The following SNRNP70 variants were observed in gnomAD, a reference collection of about 807,000 sequenced individuals.
SNRNP70 encodes the protein U1 small nuclear ribonucleoprotein 70 kDa.
SNRNP70 carries 8 observed loss-of-function variants against 50.5 expected under a neutral mutation model. The ratio of observed to expected loss-of-function variants is 0.16; its 90% CI spans 0.09 to 0.29. The LOEUF is 0.29. Among genes scored for constraint, SNRNP70 ranks in the 10% least tolerant of loss-of-function variants. The pLI, the probability that SNRNP70 is intolerant of heterozygous loss-of-function variation, is 1.00. For missense variants in SNRNP70, 529 were observed against 663.5 expected, an observed-to-expected ratio of 0.80 and a Z score of 2.23; for synonymous variants, 320 against 252.9, an observed-to-expected ratio of 1.27 and a Z score of -2.52.
intron 2 of SNRNP70, 32 bp downstream of exon 2, chr19:49,086,593 G>A (rs772609064): frequency 6.2e-7 from 1 of 1,605,438 alleles, no homozygotes; most frequent in African/African-American, 1.3e-5. Flanking sequence ...GGAATGGTTT[G>A]GGTTCTGGGG....
At position 49,107,011 on chromosome 19, in the gene SNRNP70, C is replaced by T. The variant is rs778986393; in HGVS notation, c.578-614C>T. 5.9e-5 allele frequency among the ~76,000 whole-genome samples: 9 copies of T among 152,194 alleles called. No homozygotes were observed. Among genetic ancestry groups the T allele is most frequent in the Non-Finnish European group, 1.3e-4 (9 of 68,004 alleles). On this transcript the variant is annotated intron_variant, in intron 8 of 9. Transcript: ENST00000598441. The surrounding 1 kb of genome is among the most constrained non-coding windows in gnomAD (Gnocchi z 6.0). ...CATAGGACTGTGAGGAGAGACTTCC[C>T]GAGAAAGGATGTTCGGGCTAGCGTT...
intron 6 of SNRNP70, among the ~76,000 whole-genome samples, chr19:49,101,023 C>T (rs2040577840): frequency 1.3e-5 from 2 of 152,098 alleles, no homozygotes; most frequent in Non-Finnish European, 2.9e-5. Context: ...GGCTTCATCT[C>T]CTGGGACTCT....
rs769250609 is a variant in SNRNP70 at position 49,107,174 on chromosome 19, C to T, written c.578-451C>T. The stretch of plus-strand genomic sequence containing the variant: ...ACGCAGCCAAGAGCCGCGGCTCAGA[C>T]GCTAGCAGGGCCCGCTCTTGCTGCC... On this transcript the variant is annotated intron_variant, in intron 8 of 9. Transcript: ENST00000598441. This position sits in a 1 kb window ranked among gnomAD's most constrained non-coding sequence, Gnocchi z 6.0. Among the ~76,000 whole-genome samples the T allele has an allele frequency of 1.3e-5, 2 of 152,210 alleles. No homozygotes were observed. Among genetic ancestry groups the T allele is most frequent in the African/African-American group, 2.4e-5 (1 of 41,456 alleles).
chr19:49,099,250 C>G (rs1340369627), intron 6 of SNRNP70, among the ~76,000 whole-genome samples: 1 of 152,156 alleles, frequency 6.6e-6, no homozygotes, highest in Non-Finnish European at 1.5e-5. Context: ...TTAGCCATGT[C>G]TCTTCTCCCT....
chr19:49,095,170 C>T (rs546115598), intron 4 of SNRNP70, among the ~76,000 whole-genome samples: 1 of 152,238 alleles, frequency 6.6e-6, no homozygotes, highest in Non-Finnish European at 1.5e-5. Context: ...GTGGCCCCCC[C>T]ACCCCGGGTA....
chr19:49,104,412 A>T lies in SNRNP70; in HGVS notation c.476-222A>T. ...AGGGTGGACGTCTCCCCCGACCAGG[A>T]GTGGTTGGGGCGCTGAGAGGAAGCA... On this transcript the variant is annotated intron_variant, in intron 7 of 9. Transcript: ENST00000598441. The surrounding 1 kb of genome is among the most constrained non-coding windows in gnomAD (Gnocchi z 5.4). The T allele has an allele frequency of 1.9e-6, 1 of 527,496 alleles. No homozygotes were observed. The highest frequency in any genetic ancestry group is 3.4e-6 in the Non-Finnish European group (1 of 293,762). The allele number at this position is 527,496 out of a possible 1,614,324, so 32.7% of individuals were successfully genotyped here. A position where few individuals can be genotyped will look rare whatever the true frequency, so the allele number is the denominator to read the frequency against.
chr19:49,086,016 C>G (rs2040373860), intron 1 of SNRNP70, among the ~76,000 whole-genome samples: 1 of 152,218 alleles, frequency 6.6e-6, no homozygotes, highest in Non-Finnish European at 1.5e-5. Context: ...ATCCCCAGGA[C>G]CCTGCAAACT....
rs534499093 is a variant in SNRNP70 at position 49,104,528 on chromosome 19, C to G, written c.476-106C>G. The G allele has an allele frequency of 5.4e-5, 45 of 838,366 alleles. No homozygotes were observed. In the South Asian group the frequency reaches 6.3e-4, roughly 12 times the overall value. The allele number at this position is 838,366 out of a possible 1,614,324, so 51.9% of individuals were successfully genotyped here. A position where few individuals can be genotyped will look rare whatever the true frequency, so the allele number is the denominator to read the frequency against. ...GCTGTCTGTTGGGCGTGTGCGTGTG[C>G]GTGATGATGGGGACACGGGGCGGGG... On this transcript the variant is annotated intron_variant, in intron 7 of 9. Transcript: ENST00000598441. This position sits in a 1 kb window ranked among gnomAD's most constrained non-coding sequence, Gnocchi z 5.4.
chr19:49,097,004 C>T (rs1453684763), intron 4 of SNRNP70, among the ~76,000 whole-genome samples: 1 of 151,174 alleles, frequency 6.6e-6, no homozygotes, highest in Admixed American at 6.6e-5. Context: ...GTGGTGCACG[C>T]CTGTAATCCC....
chr19:49,094,673 C>G (rs1241141484), intron 4 of SNRNP70, among the ~76,000 whole-genome samples: 1 of 152,192 alleles, frequency 6.6e-6, no homozygotes, highest in Non-Finnish European at 1.5e-5. Context: ...GGTTTCTGTG[C>G]CCTTGAGAGC....
At chr19:49,096,299 C>T (rs182563333) in intron 4 of SNRNP70, among the ~76,000 whole-genome samples, 68 of 151,872 alleles carry the variant, frequency 4.5e-4, no homozygotes, top group African/African-American at 1.3e-3. Flanking sequence ...TCAGGTGATC[C>T]GTCCGCCTTA....
intron 4 of SNRNP70, among the ~76,000 whole-genome samples, chr19:49,096,089 G>A (rs1229246167): frequency 6.8e-6 from 1 of 146,724 alleles, no homozygotes. Flanking sequence ...TTTTTTTTTC[G>A]CTTTATTGCC....
At chr19:49,087,177 C>CAA (rs11398967) in intron 2 of SNRNP70, among the ~76,000 whole-genome samples, 11,353 of 99,998 alleles carry the variant, frequency 0.11, 876 homozygotes, top group African/African-American at 0.15. Context: ...AAGACTGTCT[C>CAA]AAAAAAAAAA....
At chr19:49,089,564 T>G (rs561877991) in intron 2 of SNRNP70, among the ~76,000 whole-genome samples, 1 of 151,960 alleles carries the variant, frequency 6.6e-6, no homozygotes, top group South Asian at 2.1e-4. Flanking sequence ...TAGAAGTTCC[T>G]GAACACTTAG....
At chr19:49,085,750 C>G (rs1310430442) in intron 1 of SNRNP70, 114 bp downstream of exon 1, 1 of 428,896 alleles carries the variant, frequency 2.3e-6, no homozygotes, top group Non-Finnish European at 4.7e-6. Context: ...GTCCCCGCCA[C>G]AGGTCCCTTC....
At chr19:49,089,896 C>T (rs190028492) in intron 2 of SNRNP70, among the ~76,000 whole-genome samples, 231 of 152,010 alleles carry the variant, frequency 1.5e-3, no homozygotes, top group African/African-American at 5.3e-3. Flanking sequence ...ATCTCCTGAC[C>T]TCATGATCCG....
At chr19:49,089,723 T>A (rs4802553) in intron 2 of SNRNP70, among the ~76,000 whole-genome samples, 1 of 138,154 alleles carries the variant, frequency 7.2e-6, no homozygotes. Context: ...AGTGCAGTGG[T>A]GCGATCTCGG....
At position 49,104,422 on chromosome 19, in the gene SNRNP70, GCGCTGAGAGGAAGCAGA is replaced by G. The variant is rs1568422931; in HGVS notation, c.476-203_476-187del. On this transcript the variant is annotated intron_variant, in intron 7 of 9. Coordinates refer to ENST00000598441, the MANE Select transcript of SNRNP70 (RefSeq NM_003089.6). This position sits in a 1 kb window ranked among gnomAD's most constrained non-coding sequence, Gnocchi z 5.4. Reference sequence around the variant, plus strand: ...TCTCCCCCGACCAGGAGTGGTTGGGGCGCTGAGAGGAAGCAGACGCTGAGATGGAGCAGGCCCTTCAC... The same window carrying G: ...TCTCCCCCGACCAGGAGTGGTTGGGGCGCTGAGATGGAGCAGGCCCTTCAC... The G allele has an allele frequency of 5.5e-6, 3 of 541,414 alleles. No individual in the cohort carries two copies. The highest frequency in any genetic ancestry group is 3.9e-5 in the African/African-American group (2 of 51,498). 33.5% of individuals were successfully genotyped at this position (541,414 alleles called of 1,614,324 possible).
chr19:49,098,606 G>T, intron 5 of SNRNP70, 36 bp from the exon 6 acceptor site: 1 of 1,605,994 alleles, frequency 6.2e-7, no homozygotes, highest in African/African-American at 1.3e-5. Flanking sequence ...GGACAGCTCT[G>T]TTCTCCCATT....
Sources: allele counts gnomAD v4.1 joint callset (sites outside exome capture counted in the v4.1 genomes callset), GRCh38; gene constraint gnomAD v4.1.1; non-coding constraint Gnocchi (gnomAD v3.1); transcripts MANE v1.5; gene names NCBI Gene and HGNC (gene_info 2026-07-23, HGNC 2026-07-21).